KALRN: variants seen among roughly 807,000 people sequenced by gnomAD.
KALRN encodes the protein kalirin RhoGEF kinase, also known as kalirin.
A neutral mutation model predicts 353.7 loss-of-function variants in KALRN; 70 were observed. The observed-to-expected ratio is 0.20, with a 90% CI of 0.16 to 0.24. The LOEUF is 0.24. Among genes scored for constraint, KALRN ranks in the 10% least tolerant of loss-of-function variants. The pLI is 1.00. For synonymous variants in KALRN, 1,391 were observed against 1,434.8 expected (o/e 0.97, Z 0.69); for missense variants, 2,791 against 3,756.7 (o/e 0.74, Z 6.72).
chr3:124,060,217 A>G (rs1265287563), intron 1 of KALRN, among the ~76,000 whole-genome samples: 1 of 152,162 alleles, frequency 6.6e-6, no homozygotes, highest in Non-Finnish European at 1.5e-5. Flanking sequence ...CACCAAACAT[A>G]AAATGAGCGG....
intron 33 of KALRN, among the ~76,000 whole-genome samples, chr3:124,517,746 G>A (rs2066780697): frequency 6.6e-6 from 1 of 152,078 alleles, no homozygotes; most frequent in African/African-American, 2.4e-5. Context: ...TGCATGCCTT[G>A]GAAAAATTAC....
intron 3 of KALRN, among the ~76,000 whole-genome samples, chr3:124,240,061 T>C (rs1477887688): frequency 6.6e-6 from 1 of 152,270 alleles, no homozygotes; most frequent in African/African-American, 2.4e-5. Flanking sequence ...ATAATTTCTA[T>C]GTATAAACAA....
At chr3:124,153,819 G>A (rs1173551874) in intron 1 of KALRN, among the ~76,000 whole-genome samples, 1 of 152,060 alleles carries the variant, frequency 6.6e-6, no homozygotes, top group Non-Finnish European at 1.5e-5. Flanking sequence ...TCTAACTGGT[G>A]TGAGATGTTA....
chr3:124,714,971 A>G (rs1009885802), intron 58 of KALRN, among the ~76,000 whole-genome samples: 1 of 150,364 alleles, frequency 6.7e-6, no homozygotes, highest in Non-Finnish European at 1.5e-5. Context: ...AGCCAAGATC[A>G]CACTACTACA....
chr3:124,407,313 C>CTT (rs904563630), intron 13 of KALRN, among the ~76,000 whole-genome samples: 350 of 151,660 alleles, frequency 2.3e-3, no homozygotes, highest in African/African-American at 8.1e-3. Context: ...AATATGTTTT[C>CTT]TTTTATATAT....
At chr3:124,282,640 G>A (rs907936603) in intron 5 of KALRN, among the ~76,000 whole-genome samples, 2 of 152,096 alleles carry the variant, frequency 1.3e-5, no homozygotes, top group African/African-American at 4.8e-5. Context: ...GCCTCCCAAA[G>A]TGCTGGGATT....
intron 24 of KALRN, 101 bp downstream of exon 24, chr3:124,462,057 G>T: frequency 1.2e-6 from 1 of 813,786 alleles, no homozygotes; most frequent in Non-Finnish European, 2.1e-6. Flanking sequence ...TCTTCTCCCA[G>T]AGAGTAATGA....
At chr3:124,681,380 G>A (rs1440499677) in intron 51 of KALRN, among the ~76,000 whole-genome samples, 1 of 152,286 alleles carries the variant, frequency 6.6e-6, no homozygotes, top group East Asian at 1.9e-4. Context: ...TCCTCAGGAG[G>A]TGCTGTGGAG....
At chr3:124,232,064 G>A (rs1426335062) in intron 2 of KALRN, among the ~76,000 whole-genome samples, 1 of 152,122 alleles carries the variant, frequency 6.6e-6, no homozygotes, top group Non-Finnish European at 1.5e-5. Flanking sequence ...GGGAGAGGAT[G>A]GATATGAGAG....
intron 34 of KALRN, among the ~76,000 whole-genome samples, chr3:124,599,135 G>A (rs2076551799): frequency 2.0e-5 from 3 of 152,212 alleles, no homozygotes; most frequent in African/African-American, 7.2e-5. Context: ...TGGCCCGCAA[G>A]TGGGTATTAT....
At chr3:124,159,472 C>G (rs746500902) in intron 1 of KALRN, among the ~76,000 whole-genome samples, 1 of 151,718 alleles carries the variant, frequency 6.6e-6, no homozygotes, top group Non-Finnish European at 1.5e-5. Context: ...GGGTTTTGCC[C>G]TGTTGCCAAG....
At chr3:124,547,777 A>G (rs1353855787) in intron 33 of KALRN, among the ~76,000 whole-genome samples, 2 of 114,238 alleles carry the variant, frequency 1.8e-5, no homozygotes, top group African/African-American at 7.1e-5. Context: ...CCTTACCCCT[A>G]TGTATACCAA....
At chr3:124,221,337 C>T (rs919687411) in intron 1 of KALRN, among the ~76,000 whole-genome samples, 4 of 152,218 alleles carry the variant, frequency 2.6e-5, no homozygotes, top group Non-Finnish European at 5.9e-5. Context: ...CATTCTCTGT[C>T]TTCTCTGTGC....
intron 18 of KALRN, among the ~76,000 whole-genome samples, chr3:124,440,131 G>T (rs2093623082): frequency 6.6e-6 from 1 of 151,714 alleles, no homozygotes; most frequent in African/African-American, 2.4e-5. Context: ...CTAGTAATCA[G>T]CTCTTACTAG....
intron 10 of KALRN, among the ~76,000 whole-genome samples, chr3:124,360,691 C>T (rs2083935841): frequency 6.6e-6 from 1 of 152,194 alleles, no homozygotes; most frequent in African/African-American, 2.4e-5. Flanking sequence ...ACCATGTCTT[C>T]CAATAATTAA....
At chr3:124,132,787 T>A in intron 1 of KALRN, 1 of 152,676 alleles carries the variant, frequency 6.5e-6, no homozygotes, top group Non-Finnish European at 1.5e-5. Flanking sequence ...TCATGAGAGC[T>A]TTGTGGGTCA....
chr3:124,373,697 T>C (rs1359529696), intron 10 of KALRN, among the ~76,000 whole-genome samples: 1 of 152,140 alleles, frequency 6.6e-6, no homozygotes, highest in Non-Finnish European at 1.5e-5. Context: ...GTATCTTCAT[T>C]TGGACATCTT....
In KALRN at chr3:124,330,009, G is replaced by T. The variant is rs934795719; in HGVS notation, c.1416+17G>T. On this transcript the variant is annotated intron_variant, in intron 8 of 59. Transcript: ENST00000682506. ...TACACAGAGGTGAGAATGGAGCAGG[G>T]CAACCATGGTTCTTGGGCATGTCTG... 1 of 1,611,994 alleles carries T rather than the reference G, an allele frequency of 6.2e-7. No individual in the cohort carries two copies. Among genetic ancestry groups the T allele is most frequent in the African/African-American group, 1.3e-5 (1 of 74,858 alleles).
Position 124,590,332 on chromosome 3 carries a change from A to G in KALRN, c.5182+27243A>G, listed in dbSNP as rs75983397. ...AATATCCCTCCTGTGGTACAGCTGC[A>G]TGCCCAACAATCACTGATAATCCTG... On this transcript the variant is annotated intron_variant, in intron 34 of 59. Coordinates refer to ENST00000682506, the MANE Select transcript of KALRN (RefSeq NM_001388419.1). 1.6e-3 allele frequency among the ~76,000 whole-genome samples: 238 copies of G among 152,330 alleles called. 2 individuals carry two copies. In the East Asian group the frequency reaches 0.032, roughly 21 times the overall value.
Sources: gnomAD v4.1 joint callset for allele counts (sites outside exome capture counted in the v4.1 genomes callset) on GRCh38, gnomAD v4.1.1 for gene constraint, MANE v1.5 for transcripts, NCBI Gene and HGNC (gene_info 2026-07-23, HGNC 2026-07-21) for gene names.